The following KCNIP1 variants were observed in gnomAD, a reference collection of about 807,000 sequenced individuals.
KCNIP1 encodes the protein potassium voltage-gated channel interacting protein 1.
A neutral mutation model predicts 33.0 loss-of-function variants in KCNIP1; 18 were observed. The ratio of observed to expected loss-of-function variants is 0.55; its 90% CI spans 0.38 to 0.81. The LOEUF (loss-of-function observed/expected upper bound fraction) is 0.81, where lower values mean the gene tolerates loss of function less well. KCNIP1 is among the 30% of genes least tolerant of loss of function. KCNIP1 has a pLI of 0.00. For missense variants in KCNIP1, 238 were observed against 271.6 expected, an observed-to-expected ratio of 0.88 and a Z score of 0.87; for synonymous variants, 93 against 98.3, an observed-to-expected ratio of 0.95 and a Z score of 0.32.
chr5:170,659,911 A>G (rs1761410127), intron 1 of KCNIP1, among the ~76,000 whole-genome samples: 1 of 152,138 alleles, frequency 6.6e-6, no homozygotes, highest in African/African-American at 2.4e-5. Flanking sequence ...GGCCCCTTGG[A>G]GCTCCTTCCA....
chr5:170,664,923 C>A (rs1221004848), intron 1 of KCNIP1, among the ~76,000 whole-genome samples: 1 of 151,968 alleles, frequency 6.6e-6, no homozygotes, highest in Non-Finnish European at 1.5e-5. Context: ...TTAGTTGACT[C>A]CCGAACTAAC....
intron 1 of KCNIP1, among the ~76,000 whole-genome samples, chr5:170,626,048 G>A (rs897933750): frequency 3.3e-5 from 5 of 152,190 alleles, no homozygotes; most frequent in Non-Finnish European, 7.3e-5. Context: ...TTGGAGAGGA[G>A]GCTGGAACCA....
exon 1 of KCNIP1, chr5:170,353,871 G>A (rs541363868): frequency 3.5e-5 from 56 of 1,613,612 alleles, no homozygotes; most frequent in East Asian, 3.3e-4. Context: ...GCTCCCCTCC[G>A]CCACCATGAG....
intron 1 of KCNIP1, among the ~76,000 whole-genome samples, chr5:170,403,057 G>T (rs995320456): frequency 2.6e-5 from 4 of 152,182 alleles, no homozygotes; most frequent in African/African-American, 9.7e-5. Flanking sequence ...CCAGGAACAT[G>T]ATTGGTAAGA....
chr5:170,670,309 G>A (rs1761865229), intron 1 of KCNIP1, among the ~76,000 whole-genome samples: 2 of 152,326 alleles, frequency 1.3e-5, no homozygotes, highest in South Asian at 4.1e-4. Context: ...GAAGTTGAAA[G>A]ATGAAGGTAG....
chr5:170,561,707 T>C (rs1309186299), intron 1 of KCNIP1, among the ~76,000 whole-genome samples: 2 of 152,230 alleles, frequency 1.3e-5, no homozygotes, highest in Non-Finnish European at 2.9e-5. Context: ...TGGCACACAG[T>C]AGGTACACAA....
At chr5:170,716,945 T>C (rs1389716465) in intron 1 of KCNIP1, among the ~76,000 whole-genome samples, 1 of 152,242 alleles carries the variant, frequency 6.6e-6, no homozygotes, top group Admixed American at 6.5e-5. Flanking sequence ...TCCCATTTTC[T>C]TTATTTGCAT....
intron 1 of KCNIP1, among the ~76,000 whole-genome samples, chr5:170,544,439 G>A (rs80028806): frequency 0.015 from 2,345 of 152,042 alleles, 70 homozygotes; most frequent in African/African-American, 0.054. Flanking sequence ...AACAATAATA[G>A]CTTTTCAGTG....
Position 170,489,088 on chromosome 5 carries a change from C to T in KCNIP1, c.88+135124C>T, listed in dbSNP as rs1757153979. Among the ~76,000 whole-genome samples the T allele has an allele frequency of 6.6e-6, 1 of 152,178 alleles. No homozygotes were observed. Among genetic ancestry groups the T allele is most frequent in the Non-Finnish European group, 1.5e-5 (1 of 68,034 alleles). Reference sequence around the variant, plus strand: ...TTAGAGAGGAAGGATGTGCCTTCTCCCCCGGAGGCCAGAGGGCAGGAGACC... The same window carrying T: ...TTAGAGAGGAAGGATGTGCCTTCTCTCCCGGAGGCCAGAGGGCAGGAGACC... On this transcript the variant is annotated intron_variant, in intron 1 of 7. Transcript: ENST00000377360. This position sits in a 1 kb window ranked among gnomAD's most constrained non-coding sequence, Gnocchi z 4.3.
At chr5:170,445,893 C>G (rs1424120331) in intron 1 of KCNIP1, among the ~76,000 whole-genome samples, 2 of 152,250 alleles carry the variant, frequency 1.3e-5, no homozygotes, top group African/African-American at 4.8e-5. Flanking sequence ...CATCACTGCA[C>G]ACTCTGCTCC....
intron 1 of KCNIP1, among the ~76,000 whole-genome samples, chr5:170,619,774 T>C (rs1164597726): frequency 6.6e-6 from 1 of 152,208 alleles, no homozygotes; most frequent in Non-Finnish European, 1.5e-5. Flanking sequence ...CCAAACAATC[T>C]GATGAGGAGA....
At chr5:170,633,290 A>G (rs1242250676) in intron 1 of KCNIP1, among the ~76,000 whole-genome samples, 2 of 152,086 alleles carry the variant, frequency 1.3e-5, no homozygotes, top group Non-Finnish European at 2.9e-5. Context: ...GAGAGCGGAC[A>G]TTCTACCAAA....
At chr5:170,595,239 G>A (rs924642453) in intron 1 of KCNIP1, among the ~76,000 whole-genome samples, 8 of 152,370 alleles carry the variant, frequency 5.3e-5, no homozygotes, top group African/African-American at 1.9e-4. Context: ...TACCAGTGAA[G>A]GGGAAGCAGT....
chr5:170,720,343 A>G lies in KCNIP1; in HGVS notation c.209A>G (p.Asn70Ser). 2 of 1,614,122 alleles carry G rather than the reference A, an allele frequency of 1.2e-6. No individual in the cohort carries two copies. Among genetic ancestry groups the G allele is most frequent in the Non-Finnish European group, 1.7e-6 (2 of 1,179,968 alleles). Residue 70 changes from asparagine (N) to serine (S), a missense_variant, in exon 3 of 8, where the codon AAC becomes AGC. Transcript: ENST00000328939. Reference protein sequence around the residue: ...FKNECPSGVVNEDTFKQIYAQ... With the variant: ...FKNECPSGVVSEDTFKQIYAQ... ...CAGGAGTGCCCCAGTGGTGTGGTCA[A>G]CGAAGACACATTCAAGCAGATCTAT...
chr5:170,531,948 C>T (rs1294028435), intron 1 of KCNIP1, among the ~76,000 whole-genome samples: 1 of 152,224 alleles, frequency 6.6e-6, no homozygotes, highest in Non-Finnish European at 1.5e-5. Context: ...GTCATAGTGA[C>T]CTGGCCTCAG....
chr5:170,707,441 T>C lies in KCNIP1; in HGVS notation c.62-11317T>C, dbSNP rs140732014. 3.2e-3 allele frequency among the ~76,000 whole-genome samples: 493 copies of C among 152,338 alleles called. 2 individuals are homozygous for C. Among genetic ancestry groups the C allele is most frequent in the African/African-American group, 0.011 (473 of 41,586 alleles). ...ATCTAGATAATTCCTTTCCCAGCCGTTTGTTTCTTCAATCTTGGAAAATAT... is the reference window on the plus strand; with the variant it reads ...ATCTAGATAATTCCTTTCCCAGCCGCTTGTTTCTTCAATCTTGGAAAATAT... On this transcript the variant is annotated intron_variant, in intron 1 of 7. Coordinates refer to ENST00000328939, the MANE Select transcript of KCNIP1 (RefSeq NM_014592.4).
intron 1 of KCNIP1, among the ~76,000 whole-genome samples, chr5:170,649,523 G>C (rs1760946758): frequency 6.6e-6 from 1 of 152,138 alleles, no homozygotes; most frequent in Non-Finnish European, 1.5e-5. Context: ...TTGGGTGCAG[G>C]CTCTGTCTCT....
chr5:170,390,794 G>A (rs58182502), intron 1 of KCNIP1, among the ~76,000 whole-genome samples: 1,688 of 151,860 alleles, frequency 0.011, 31 homozygotes, highest in African/African-American at 0.038. Flanking sequence ...AAATCACCTC[G>A]ATCATACAGT....
At chr5:170,423,516 G>T (rs1311808684) in intron 1 of KCNIP1, among the ~76,000 whole-genome samples, 1 of 152,138 alleles carries the variant, frequency 6.6e-6, no homozygotes, top group Non-Finnish European at 1.5e-5. Context: ...AAGTCATATT[G>T]TCTTTAGAGG....
Sources: gnomAD v4.1 joint callset for allele counts (sites outside exome capture counted in the v4.1 genomes callset) on GRCh38, gnomAD v4.1.1 for gene constraint, Gnocchi (gnomAD v3.1) non-coding constraint, MANE v1.5 for transcripts, NCBI Gene and HGNC (gene_info 2026-07-23, HGNC 2026-07-21) for gene names.